Variants in MYO1E observed in about 807,000 individuals in gnomAD.
The protein encoded by MYO1E is unconventional myosin-Ie.
MYO1E carries 68 observed loss-of-function variants against 151.1 expected under a neutral mutation model. The ratio of observed to expected loss-of-function variants is 0.45; its 90% confidence interval spans 0.37 to 0.55. The LOEUF (loss-of-function observed/expected upper bound fraction) is 0.55, where lower values mean the gene tolerates loss of function less well. Among genes scored for constraint, MYO1E ranks in the 20% least tolerant of loss-of-function variants. The pLI, the probability that MYO1E is intolerant of heterozygous loss-of-function variation, is 0.00. For synonymous variants in MYO1E, 601 were observed against 501.7 expected, an observed-to-expected ratio of 1.20 and a Z score of -2.64; for missense variants, 1,363 against 1,389.3, an observed-to-expected ratio of 0.98 and a Z score of 0.30.
intron 22 of MYO1E, among the ~76,000 whole-genome samples, chr15:59,166,464 T>C (rs12442723): frequency 0.11 from 16,950 of 152,152 alleles, 1,072 homozygotes; most frequent in Middle Eastern, 0.17. Flanking sequence ...CTGAAAACAC[T>C]AGAAAATCTG....
intron 4 of MYO1E, among the ~76,000 whole-genome samples, chr15:59,243,316 C>T (rs1240815057): frequency 1.1e-4 from 16 of 152,092 alleles, no homozygotes; most frequent in African/African-American, 3.9e-4. Context: ...GAAAGGAACA[C>T]ACTGAAATAT....
chr15:59,215,924 C>T (rs139883474), intron 10 of MYO1E, among the ~76,000 whole-genome samples: 3 of 152,250 alleles, frequency 2.0e-5, no homozygotes, highest in African/African-American at 7.2e-5. Flanking sequence ...ATTGCTCAGG[C>T]CTGAAGTTCC....
chr15:59,285,879 C>T (rs1466203291), intron 1 of MYO1E, among the ~76,000 whole-genome samples: 1 of 152,202 alleles, frequency 6.6e-6, no homozygotes, highest in East Asian at 1.9e-4. Flanking sequence ...CTAATAGATT[C>T]ATAAGTCAAA....
intron 1 of MYO1E, among the ~76,000 whole-genome samples, chr15:59,348,109 T>C (rs1468465125): frequency 2.0e-5 from 3 of 151,752 alleles, no homozygotes; most frequent in East Asian, 1.9e-4. Context: ...CGCCATGTTT[T>C]GGAGGCCTCT....
Position 59,319,046 on chromosome 15 carries a change from C to T in MYO1E, c.4-46597G>A, listed in dbSNP as rs577892747. 7.9e-5 allele frequency among the ~76,000 whole-genome samples: 12 copies of T among 152,256 alleles called. No individual in the cohort carries two copies. The South Asian group carries it at 2.5e-3, about 32-fold the overall frequency. On this transcript the variant is annotated intron_variant, in intron 1 of 27. Transcript: ENST00000288235. Reference sequence around the variant, plus strand: ...ATTTTAGTGGCTGGGTGTGGTGGCTCATGCCTGTAATCCTAGCACTTTGGG... The same window carrying T: ...ATTTTAGTGGCTGGGTGTGGTGGCTTATGCCTGTAATCCTAGCACTTTGGG...
intron 14 of MYO1E, chr15:59,207,146 A>C (rs2140337481): frequency 6.2e-7 from 1 of 1,614,214 alleles, no homozygotes; most frequent in East Asian, 2.2e-5. Flanking sequence ...CCCGTTCATC[A>C]CAGTAAGGTC....
At chr15:59,293,607 T>C (rs753616685) in intron 1 of MYO1E, among the ~76,000 whole-genome samples, 1 of 151,904 alleles carries the variant, frequency 6.6e-6, no homozygotes, top group African/African-American at 2.4e-5. Flanking sequence ...ATAAAGCTAA[T>C]GAAATTCAGC....
At chr15:59,174,327 GT>G in intron 19 of MYO1E, 87 bp from the exon 20 acceptor site, 1 of 937,094 alleles carries the variant, frequency 1.1e-6, no homozygotes. Flanking sequence ...GGGACCCTCA[GT>G]TTAGACAATG....
intron 1 of MYO1E, among the ~76,000 whole-genome samples, chr15:59,329,228 A>G (rs1265846972): frequency 6.6e-6 from 1 of 152,196 alleles, no homozygotes; most frequent in Non-Finnish European, 1.5e-5. Context: ...CAATCTAGTA[A>G]AGACTCATGC....
intron 1 of MYO1E, among the ~76,000 whole-genome samples, chr15:59,304,181 C>T (rs1380434111): frequency 6.6e-6 from 1 of 152,062 alleles, no homozygotes; most frequent in African/African-American, 2.4e-5. Context: ...TGAGGTTTCA[C>T]CATGTTGGTC....
chr15:59,210,404 T>C (rs1407732564), intron 13 of MYO1E, 110 bp downstream of exon 13: 5 of 801,062 alleles, frequency 6.2e-6, no homozygotes, highest in Admixed American at 5.8e-5. Context: ...TCAAATTCTC[T>C]GCAAATCAGA....
intron 1 of MYO1E, among the ~76,000 whole-genome samples, chr15:59,302,036 C>A (rs1465038469): frequency 6.6e-6 from 1 of 152,156 alleles, no homozygotes; most frequent in East Asian, 1.9e-4. Context: ...GTAGGTTCGT[C>A]CCCTGCCTGG....
At chr15:59,277,561 A>C (rs796761955) in intron 1 of MYO1E, among the ~76,000 whole-genome samples, 1,730 of 145,948 alleles carry the variant, frequency 0.012, 29 homozygotes, top group African/African-American at 0.018. Context: ...AAAAAAAAAA[A>C]AAAAAAAAAA....
chr15:59,165,598 G>A (rs1393678321), intron 22 of MYO1E, among the ~76,000 whole-genome samples: 1 of 152,166 alleles, frequency 6.6e-6, no homozygotes, highest in East Asian at 1.9e-4. Flanking sequence ...TCATGCAAAG[G>A]CAATTCAGGG....
intron 1 of MYO1E, among the ~76,000 whole-genome samples, chr15:59,320,232 AATGGCCATACTGCCC>A (rs766662096): frequency 3.9e-5 from 6 of 152,262 alleles, no homozygotes; most frequent in Non-Finnish European, 5.9e-5. Flanking sequence ...ATATCGTTAA[AATGGCCATACTGCCC>A]AAAGCAATCT....
chr15:59,188,430 T>C (rs2079712307), intron 17 of MYO1E, among the ~76,000 whole-genome samples: 1 of 152,170 alleles, frequency 6.6e-6, no homozygotes, highest in Admixed American at 6.5e-5. Context: ...GCGCAGTGGC[T>C]CACACCTGTA....
At chr15:59,322,814 A>AAT (rs1281046341) in intron 1 of MYO1E, among the ~76,000 whole-genome samples, 1 of 152,166 alleles carries the variant, frequency 6.6e-6, no homozygotes, top group Non-Finnish European at 1.5e-5. Context: ...TTACAACAGA[A>AAT]GACATGTCTT....
At chr15:59,224,273 C>T (rs1450840704) in intron 8 of MYO1E, among the ~76,000 whole-genome samples, 3 of 112,774 alleles carry the variant, frequency 2.7e-5, no homozygotes, top group Non-Finnish European at 7.4e-5. Context: ...TCTTCAAAAC[C>T]AGAAAAGAAA....
In MYO1E at chr15:59,293,163, A is replaced by G. The variant is rs565029262; in HGVS notation, c.4-20714T>C. Among the ~76,000 whole-genome samples, 4 of 152,300 alleles carry G rather than the reference A, an allele frequency of 2.6e-5. No homozygotes were observed. The South Asian group carries it at 8.3e-4, about 32-fold the overall frequency. ...GCTAGGAAAAGAAGGGCAACGGACAATCACCCCCATCTACCAGATGGAAGG... is the reference window on the plus strand; with the variant it reads ...GCTAGGAAAAGAAGGGCAACGGACAGTCACCCCCATCTACCAGATGGAAGG... On this transcript the variant is annotated intron_variant, in intron 1 of 27. Coordinates refer to ENST00000288235, the MANE Select transcript of MYO1E (RefSeq NM_004998.4).
Sources: gnomAD v4.1 joint callset for allele counts (sites outside exome capture counted in the v4.1 genomes callset) on GRCh38, gnomAD v4.1.1 for gene constraint, MANE v1.5 for transcripts, NCBI Gene and HGNC (gene_info 2026-07-23, HGNC 2026-07-21) for gene names.